Variants in ACCSL observed in about 807,000 individuals in gnomAD.
ACCSL encodes 1-aminocyclopropane-1-carboxylate synthase homolog (inactive) like.
In ACCSL, 55 loss-of-function variants were observed where a neutral mutation model predicts 61.7. The ratio of observed to expected loss-of-function variants is 0.89; its 90% CI spans 0.72 to 1.12. The LOEUF (loss-of-function observed/expected upper bound fraction) is 1.12. Among genes scored for constraint, ACCSL ranks in the 50% most tolerant of loss-of-function variants. The pLI is 0.00. For synonymous variants in ACCSL, 258 were observed against 264.3 expected, an observed-to-expected ratio of 0.98 and a Z score of 0.23; for missense variants, 632 against 698.0, an observed-to-expected ratio of 0.91 and a Z score of 1.07.
chr11:44,031,799 G>C, the ACCSL span, among the ~76,000 whole-genome samples: 11 of 152,278 alleles, frequency 7.2e-5, no homozygotes, highest in East Asian at 2.1e-3. Context: ...TATTGGCTGG[G>C]GGCAGCCCTG....
the ACCSL span, among the ~76,000 whole-genome samples, chr11:43,996,410 C>G: frequency 2.0e-5 from 3 of 152,132 alleles, no homozygotes; most frequent in Non-Finnish European, 2.9e-5. Context: ...TTGCCACGCT[C>G]TGTTAACAGC....
the ACCSL span, among the ~76,000 whole-genome samples, chr11:44,021,983 T>A: frequency 2.0e-5 from 3 of 152,324 alleles, no homozygotes; most frequent in African/African-American, 7.2e-5. Flanking sequence ...TATGTGCCTA[T>A]TTTTATACCA....
the ACCSL span, chr11:43,925,401 G>A: frequency 1.5e-5 from 7 of 456,258 alleles, no homozygotes; most frequent in South Asian, 1.1e-4. Flanking sequence ...TCCAAGGAGT[G>A]GTATTGATCG....
In ACCSL at chr11:44,053,489, C is replaced by T; in HGVS notation, c.1032C>T (p.Tyr344=). Residue 344 remains tyrosine (Y), a synonymous_variant, in exon 8 of 14, where the codon TAC becomes TAT. Coordinates refer to ENST00000378832, the MANE Select transcript of ACCSL (RefSeq NM_001031854.2). ...DIYSPDSLMK[Y]LEFAKRYNLH... ...ACTCCCCAGACTCACTGATGAAATA[C>T]CTGGAATTTGCCAAGAGGTATGAGT... The T allele has an allele frequency of 1.2e-6, 2 of 1,614,032 alleles. No individual in the cohort carries two copies. Among genetic ancestry groups the T allele is most frequent in the Non-Finnish European group, 1.7e-6 (2 of 1,179,964 alleles).
At chr11:43,962,933 G>C in the ACCSL span, among the ~76,000 whole-genome samples, 1 of 152,174 alleles carries the variant, frequency 6.6e-6, no homozygotes, top group Non-Finnish European at 1.5e-5. Context: ...TCCTGGCAGG[G>C]GAAGATGTTC....
the ACCSL span, among the ~76,000 whole-genome samples, chr11:43,928,279 TG>T: frequency 5.9e-5 from 9 of 151,490 alleles, no homozygotes; most frequent in Non-Finnish European, 1.0e-4. Flanking sequence ...ACATGTGGCC[TG>T]GGGGACACCT....
chr11:43,943,185 C>T, the ACCSL span: 9 of 1,513,398 alleles, frequency 5.9e-6, no homozygotes, highest in Middle Eastern at 1.7e-4. This position sits in a 1 kb window ranked among gnomAD's most constrained non-coding sequence, Gnocchi z 4.8. Flanking sequence ...CGCCGCAGCA[C>T]GCAGAGCCTG....
At chr11:44,037,454 G>A in the ACCSL span, among the ~76,000 whole-genome samples, 1 of 152,250 alleles carries the variant, frequency 6.6e-6, no homozygotes, top group Non-Finnish European at 1.5e-5. Context: ...GCTGCTCCTT[G>A]TCTGGCCTCT....
chr11:43,996,291 C>T, the ACCSL span, among the ~76,000 whole-genome samples: 1 of 152,164 alleles, frequency 6.6e-6, no homozygotes, highest in African/African-American at 2.4e-5. Context: ...TGGCTCTAAC[C>T]TGGAGAATAA....
the ACCSL span, among the ~76,000 whole-genome samples, chr11:44,042,604 A>G: frequency 6.7e-6 from 1 of 150,322 alleles, no homozygotes; most frequent in Non-Finnish European, 1.5e-5. Context: ...AGTGTGAGCC[A>G]CCATGCCTAG....
the ACCSL span, among the ~76,000 whole-genome samples, chr11:44,035,936 T>TAAAAAAAAAA: frequency 8.9e-5 from 7 of 79,046 alleles, no homozygotes; most frequent in Admixed American, 1.5e-4. Flanking sequence ...AGACTCTGTG[T>TAAAAAAAAAA]AAAAAAAAAA....
At chr11:44,032,724 G>A in the ACCSL span, among the ~76,000 whole-genome samples, 1 of 152,194 alleles carries the variant, frequency 6.6e-6, no homozygotes, top group East Asian at 1.9e-4. Context: ...GACCAGCTCT[G>A]CAGGTCCAGG....
the ACCSL span, chr11:43,942,796 C>G: frequency 4.1e-5 from 31 of 755,884 alleles, 1 homozygote; most frequent in South Asian, 1.2e-4. Flanking sequence ...ATTTGGATCC[C>G]CCGCCCGGCG....
the ACCSL span, chr11:43,926,657 G>T: frequency 3.8e-5 from 12 of 318,422 alleles, no homozygotes; most frequent in Admixed American, 5.3e-4. Context: ...TACTACAAAA[G>T]AGGTTTGTGT....
the ACCSL span, among the ~76,000 whole-genome samples, chr11:44,030,914 G>T: frequency 6.6e-6 from 1 of 152,126 alleles, no homozygotes; most frequent in Non-Finnish European, 1.5e-5. Context: ...GAGACAAGGA[G>T]GGTCCTAGTT....
At chr11:43,979,156 A>T in the ACCSL span, among the ~76,000 whole-genome samples, 1 of 152,070 alleles carries the variant, frequency 6.6e-6, no homozygotes, top group South Asian at 2.1e-4. Flanking sequence ...AGCCTGGGTA[A>T]CATAGCAAGA....
At chr11:44,027,889 G>A in the ACCSL span, among the ~76,000 whole-genome samples, 3 of 152,208 alleles carry the variant, frequency 2.0e-5, no homozygotes, top group Non-Finnish European at 4.4e-5. Flanking sequence ...TCTAAGCTGG[G>A]TGTGGCGGCT....
chr11:43,982,383 A>G, the ACCSL span, among the ~76,000 whole-genome samples: 1 of 151,230 alleles, frequency 6.6e-6, no homozygotes, highest in Admixed American at 6.6e-5. Context: ...ACATACCCCC[A>G]TGCCCGGCTA....
intron 5 of ACCSL, 122 bp downstream of exon 5, chr11:44,051,841 G>C: frequency 1.7e-6 from 2 of 1,170,854 alleles, no homozygotes; most frequent in Non-Finnish European, 2.5e-6. Flanking sequence ...CCAAAGTGGT[G>C]GGCCTTCTCC....
Sources: allele counts gnomAD v4.1 joint callset (sites outside exome capture counted in the v4.1 genomes callset), GRCh38; gene constraint gnomAD v4.1.1; non-coding constraint Gnocchi (gnomAD v3.1); transcripts MANE v1.5; gene names NCBI Gene and HGNC (gene_info 2026-07-23, HGNC 2026-07-21).